The following CAPN6 variants were observed in gnomAD, a reference collection of about 807,000 sequenced individuals.
CAPN6 encodes the protein calpain 6, also known as calpain-6.
Under a neutral mutation model 46.0 loss-of-function variants are expected in CAPN6, and 16 were observed. The ratio of observed to expected loss-of-function variants is 0.35; its 90% CI spans 0.24 to 0.53. CAPN6 has a LOEUF of 0.53. CAPN6 is among the 20% of genes least tolerant of loss of function. The probability of loss-of-function intolerance (pLI) is 0.94; values close to 1 mark genes in which losing one functional copy is unlikely to be tolerated. For synonymous variants in CAPN6, 206 were observed against 172.8 expected, an observed-to-expected ratio of 1.19 and a Z score of -1.51; for missense variants, 461 against 498.0, an observed-to-expected ratio of 0.93 and a Z score of 0.71.
chrX:111,250,356 T>C (rs887387345), intron 8 of CAPN6, among the ~76,000 whole-genome samples: 2 of 111,411 alleles, frequency 1.8e-5, no homozygotes, highest in Non-Finnish European at 3.8e-5. Context: ...TTGACCCTGT[T>C]ATGTCACCTG....
At chrX:111,261,052 G>A (rs1346383904) in intron 2 of CAPN6, among the ~76,000 whole-genome samples, 1 of 112,208 alleles carries the variant, frequency 8.9e-6, no homozygotes, top group Non-Finnish European at 1.9e-5. Flanking sequence ...TCAAACGGGA[G>A]AGTGTGGAAC....
chrX:111,248,061 G>C, intron 10 of CAPN6, 69 bp from the exon 11 acceptor site: 1 of 1,038,196 alleles, frequency 9.6e-7, no homozygotes, highest in Non-Finnish European at 1.3e-6. Flanking sequence ...GCCCGCCAAA[G>C]CAGACATCAT....
Position 111,248,589 on chromosome X carries a change from A to G in CAPN6, c.1464T>C (p.Ser488=), listed in dbSNP as rs755136186. 8.3e-7 allele frequency: 1 copy of G among 1,208,766 alleles called. No homozygotes were observed. The highest frequency in any genetic ancestry group is 1.1e-6 in the Non-Finnish European group (1 of 894,057). The part of the protein sequence containing the change: ...RTSEFLLRIF[S]EVPVQLRELT... ...TGAACCTGAGCTGGACAGGCACTTCAGAGAAGATTCTCAGGAGAAACTCGC... is the reference window on the plus strand; with the variant it reads ...TGAACCTGAGCTGGACAGGCACTTCGGAGAAGATTCTCAGGAGAAACTCGC... The change falls in exon 10 of 13, where the codon TCT becomes TCC. Residue 488 remains serine, a synonymous_variant. Coordinates refer to ENST00000324068, the MANE Select transcript of CAPN6 (RefSeq NM_014289.4).
At chrX:111,259,662 C>T (rs954416811) in intron 2 of CAPN6, among the ~76,000 whole-genome samples, 8 of 112,307 alleles carry the variant, frequency 7.1e-5, no homozygotes, top group Admixed American at 6.6e-4. Context: ...GCAATGGTAG[C>T]GAAGGCTGAA....
intron 2 of CAPN6, among the ~76,000 whole-genome samples, chrX:111,256,153 C>A (rs1215084554): frequency 1.8e-5 from 2 of 111,491 alleles, no homozygotes; most frequent in Non-Finnish European, 3.8e-5. Context: ...AATCCCAGCA[C>A]TTTGGGAGGC....
intron 1 of CAPN6, among the ~76,000 whole-genome samples, chrX:111,269,563 T>C (rs777381499): frequency 1.8e-5 from 2 of 111,815 alleles, no homozygotes; most frequent in Admixed American, 1.9e-4. Flanking sequence ...TCAGAACCAA[T>C]TGTTTCCATT....
intron 1 of CAPN6, 59 bp downstream of exon 1, chrX:111,270,312 G>T: frequency 3.7e-6 from 1 of 272,497 alleles, no homozygotes. Flanking sequence ...TTTCTTAGAC[G>T]CTAAGTTATC....
Position 111,251,214 on chromosome X carries a change from C to A in CAPN6, c.966G>T (p.Glu322Asp), listed in dbSNP as rs1415793407. 5.0e-6 allele frequency: 6 copies of A among 1,207,490 alleles called. No homozygotes were observed. Among genetic ancestry groups the A allele is most frequent in the Non-Finnish European group, 6.7e-6 (6 of 894,563 alleles). The part of the protein sequence containing the change: ...NLGLVMSDDG[E>D]FWMSLEDFCR... ...GTGCAGAAACCCCTCCTCACCAAAA[C>A]TCTCCATCATCAGACATAACAAGCC... is the stretch of plus-strand genomic sequence containing the variant. Residue 322 changes from glutamate to aspartate, a missense_variant, in exon 7 of 13, where the codon GAG becomes GAT. Physicochemically the swap from Glu to Asp is conservative, Grantham distance 45. Transcript: ENST00000324068.
intron 12 of CAPN6, among the ~76,000 whole-genome samples, 186 bp from the exon 13 acceptor site, chrX:111,246,945 G>A (rs1354641081): frequency 8.9e-6 from 1 of 112,085 alleles, no homozygotes; most frequent in Non-Finnish European, 1.9e-5. Context: ...TGAAAAGCCA[G>A]AAAACAGAAT....
intron 1 of CAPN6, among the ~76,000 whole-genome samples, chrX:111,265,598 C>G (rs2094991176): frequency 8.9e-6 from 1 of 112,097 alleles, no homozygotes; most frequent in African/African-American, 3.2e-5. Context: ...TTTGCCCAGA[C>G]TCCTTTCTGG....
intron 2 of CAPN6, among the ~76,000 whole-genome samples, chrX:111,258,835 A>G (rs1386851798): frequency 2.7e-5 from 3 of 112,237 alleles, no homozygotes; most frequent in East Asian, 2.8e-4. Flanking sequence ...AAGAATTTAT[A>G]TATCTATGCA....
chrX:111,247,347 G>T, intron 12 of CAPN6, 21 bp downstream of exon 12: 1 of 1,165,159 alleles, frequency 8.6e-7, no homozygotes, highest in Non-Finnish European at 1.1e-6. Flanking sequence ...CCTTTCTGGC[G>T]ACCCCTGTAC....
intron 2 of CAPN6, among the ~76,000 whole-genome samples, chrX:111,258,244 G>T (rs1267744175): frequency 8.9e-6 from 1 of 111,765 alleles, no homozygotes; most frequent in East Asian, 2.8e-4. Flanking sequence ...TAAACCGCAG[G>T]AACCTCAGTA....
chrX:111,263,763 GA>G lies in CAPN6; in HGVS notation c.165+8del. ...TCAAGGAGACAGAATGTGTAAAATA[GA>G]AAGTTACCTGGGGACGTTTCCACAC... On this transcript the variant is annotated splice_region_variant and intron_variant, in intron 2 of 12. Coordinates refer to ENST00000324068, the MANE Select transcript of CAPN6 (RefSeq NM_014289.4). The G allele has an allele frequency of 8.4e-7, 1 of 1,197,060 alleles. No homozygotes were observed. The highest frequency in any genetic ancestry group is 1.1e-6 in the Non-Finnish European group (1 of 887,264).
At chrX:111,253,724 A>T (rs2094981548) in intron 3 of CAPN6, among the ~76,000 whole-genome samples, 1 of 112,489 alleles carries the variant, frequency 8.9e-6, no homozygotes, top group African/African-American at 3.2e-5. Context: ...TAACAGCTAC[A>T]CATTAATATT....
chrX:111,254,137 G>A (rs920403596), intron 3 of CAPN6, 135 bp downstream of exon 3: 1 of 752,927 alleles, frequency 1.3e-6, no homozygotes, highest in Non-Finnish European at 1.9e-6. Flanking sequence ...GAAATGGAGG[G>A]AAGTCGCCTA....
At chrX:111,269,596 C>G (rs1173472977) in intron 1 of CAPN6, among the ~76,000 whole-genome samples, 1 of 111,769 alleles carries the variant, frequency 8.9e-6, no homozygotes. Flanking sequence ...TCCTTTTTCC[C>G]GTCCCCCACC....
chrX:111,246,728 A>T lies in CAPN6; in HGVS notation c.1775T>A (p.Phe592Tyr). ...AGCATCCAGAGTAACCTGCCCCAAG[A>T]ACTGATCACAGAATTTTCGGCTGTT... Reference protein sequence around the residue: ...VWNSRKFCDQFLGQVTLDADP... With the variant: ...VWNSRKFCDQYLGQVTLDADP... The change falls in exon 13 of 13, where the codon TTC becomes TAC. Residue 592 changes from phenylalanine (F) to tyrosine (Y), a missense_variant. Transcript: ENST00000324068. 4.1e-6 allele frequency: 5 copies of T among 1,210,441 alleles called. No individual in the cohort carries two copies. Among genetic ancestry groups the T allele is most frequent in the Non-Finnish European group, 5.6e-6 (5 of 895,128 alleles).
In CAPN6 at chrX:111,252,384, C is replaced by G; in HGVS notation, c.622G>C (p.Val208Leu). ...DMQKGRYTEL[V>L]EEKYKLFGEL... ...CCGAATAGCTTGTACTTCTCCTCAACAAGCTCAGTGTATCTTCCTTTCTGC... is the reference window on the plus strand; with the variant it reads ...CCGAATAGCTTGTACTTCTCCTCAAGAAGCTCAGTGTATCTTCCTTTCTGC... Residue 208 changes from valine to leucine, a missense_variant, in exon 5 of 13, where the codon GTT (valine) becomes CTT (leucine). Coordinates refer to ENST00000324068, the MANE Select transcript of CAPN6 (RefSeq NM_014289.4). 1 of 1,210,440 alleles carries G rather than the reference C, an allele frequency of 8.3e-7. No homozygotes were observed. Among genetic ancestry groups the G allele is most frequent in the Admixed American group, 2.2e-5 (1 of 46,021 alleles).
Sources: allele counts gnomAD v4.1 joint callset (sites outside exome capture counted in the v4.1 genomes callset), GRCh38; gene constraint gnomAD v4.1.1; transcripts MANE v1.5; gene names NCBI Gene and HGNC (gene_info 2026-07-23, HGNC 2026-07-21).